The following ATG9B variants were observed in gnomAD, a reference collection of about 807,000 sequenced individuals.
ATG9B encodes the protein autophagy related 9B.
Under a neutral mutation model 92.9 loss-of-function variants are expected in ATG9B, and 92 were observed. That is an observed-to-expected ratio of 0.99 (90% CI 0.84 to 1.18). The LOEUF (loss-of-function observed/expected upper bound fraction) is 1.18, where lower values mean the gene tolerates loss of function less well. Among genes scored for constraint, ATG9B ranks in the 50% most tolerant of loss-of-function variants. The pLI, the probability that ATG9B is intolerant of heterozygous loss-of-function variation, is 0.00. For synonymous variants in ATG9B, 599 were observed against 551.4 expected, an observed-to-expected ratio of 1.09 and a Z score of -1.21; for missense variants, 1,344 against 1,235.0, an observed-to-expected ratio of 1.09 and a Z score of -1.32.
chr7:151,020,424 T>G (rs1563259145), intron 5 of ATG9B: 1 of 152,598 alleles, frequency 6.6e-6, no homozygotes, highest in East Asian at 1.9e-4. Flanking sequence ...CCAGAGCCAA[T>G]CCGAGGTCCA....
Position 151,018,556 on chromosome 7 carries a change from C to A in ATG9B, c.1718+64G>T, listed in dbSNP as rs1375308285. 9 of 1,540,984 alleles carry A rather than the reference C, an allele frequency of 5.8e-6. No homozygotes were observed. The highest frequency in any genetic ancestry group is 1.2e-5 in the South Asian group (1 of 83,802). On this transcript the variant is annotated intron_variant, in intron 6 of 13. Transcript: ENST00000639579. This position sits in a 1 kb window ranked among gnomAD's most constrained non-coding sequence, Gnocchi z 4.7. ...GGGAGAGGTAAGGATTCGGGGGGAA[C>A]CTCACATGGCCCCAGATCAGAGAAA...
chr7:151,017,868 G>C lies in ATG9B; in HGVS notation c.2052+3C>G. 6.2e-7 allele frequency: 1 copy of C among 1,604,020 alleles called. No homozygotes were observed. The highest frequency in any genetic ancestry group is 1.1e-5 in the South Asian group (1 of 89,194). On this transcript the variant is annotated splice_donor_region_variant and intron_variant, in intron 8 of 13. Coordinates refer to ENST00000639579, the MANE Select transcript of ATG9B (RefSeq NM_001317056.2). ...ACCCCCAGGGCCAGGGAACGGCTCTGACCTGAGGGTGTCCGTGGCGCTTCA... is the reference window on the plus strand; with the variant it reads ...ACCCCCAGGGCCAGGGAACGGCTCTCACCTGAGGGTGTCCGTGGCGCTTCA...
In ATG9B at chr7:151,017,153, G is replaced by C; in HGVS notation, c.2172C>G (p.Ser724Arg). The change falls in exon 9 of 14, where the codon AGC becomes AGG. Residue 724 changes from serine to arginine, a missense_variant. Coordinates refer to ENST00000639579, the MANE Select transcript of ATG9B (RefSeq NM_001317056.2). ...AHPLWRPPGH[S>R]SKFLGHLWGR... is the part of the protein sequence containing the mutation. ...CCCAGAGGTGCCCAAGAAACTTAGA[G>C]CTGTGCCCTGGGGGGCGCCAGAGTG... 6.2e-7 allele frequency: 1 copy of C among 1,613,162 alleles called. No individual in the cohort carries two copies. Among genetic ancestry groups the C allele is most frequent in the East Asian group, 2.2e-5 (1 of 44,878 alleles).
At position 151,018,351 on chromosome 7, in the gene ATG9B, G is replaced by A; in HGVS notation, c.1815C>T (p.Gly605=). 1.3e-6 allele frequency: 2 copies of A among 1,598,626 alleles called. No homozygotes were observed. Among genetic ancestry groups the A allele is most frequent in the Non-Finnish European group, 8.5e-7 (1 of 1,174,426 alleles). The change falls in exon 7 of 14, where the codon GGC becomes GGT. Residue 605 remains glycine, a synonymous_variant. Transcript: ENST00000639579. The surrounding 1 kb of genome is among the most constrained non-coding windows in gnomAD (Gnocchi z 4.7). The part of the protein sequence containing the change: ...AHMHYLPEEP[G]PGGRDRAYRQ... ...GGTAGGCGCGGTCCCTGCCGCCGGG[G>A]CCGGGCTCCTCCGGGAGGTAGTGCA...
At chr7:151,014,311 C>A, downstream of ATG9B, 3 of 926,430 alleles carry the variant, frequency 3.2e-6, no homozygotes, top group Non-Finnish European at 4.7e-6. Flanking sequence ...CAGCATTATT[C>A]CTCCAGGAAG....
intron 10 of ATG9B, 29 bp from the exon 11 acceptor site, chr7:151,016,556 G>T: frequency 6.5e-7 from 1 of 1,545,730 alleles, no homozygotes. Flanking sequence ...CAGGTCAAAA[G>T]TCATGCCCTC....
downstream of ATG9B, chr7:151,014,613 G>GTT (rs1016402988): frequency 1.6e-4 from 21 of 134,424 alleles, no homozygotes; most frequent in African/African-American, 4.2e-4. Flanking sequence ...TTTTTTTTTT[G>GTT]TTTTTTTTTT....
chr7:151,016,301 G>T, intron 11 of ATG9B, 66 bp from the exon 12 acceptor site: 1 of 1,477,046 alleles, frequency 6.8e-7, no homozygotes, highest in Non-Finnish European at 9.0e-7. Context: ...ACCTGGGCTA[G>T]AGGCAGAGGG....
chr7:151,017,831 C>T, intron 8 of ATG9B, 40 bp downstream of exon 8: 1 of 1,531,012 alleles, frequency 6.5e-7, no homozygotes, highest in South Asian at 1.2e-5. Flanking sequence ...AGCGAACTCC[C>T]ACCCAGCCCA....
chr7:151,021,043 TG>T, intron 5 of ATG9B, 144 bp downstream of exon 5: 1 of 937,996 alleles, frequency 1.1e-6, no homozygotes. Context: ...GACATTATTC[TG>T]GGCCTAGGGC....
In ATG9B at chr7:151,024,020, TG is replaced by T; in HGVS notation, c.403del (p.Gln135ArgfsTer8). 2 of 1,588,332 alleles carry T rather than the reference TG, an allele frequency of 1.3e-6. No individual in the cohort carries two copies. The highest frequency in any genetic ancestry group is 1.7e-6 in the Non-Finnish European group (2 of 1,168,072). On this transcript the variant is annotated frameshift_variant, in exon 1 of 14. Coordinates refer to ENST00000639579, the MANE Select transcript of ATG9B (RefSeq NM_001317056.2). LOFTEE classifies it high-confidence loss of function. ...ATPTPSQQCP[Q>X]DSPGLRVGPL... is the part of the protein sequence containing the mutation. ...GCCTACCCGCAGCCCAGGAGAGTCC[TG>T]GGGGCACTGCTGTGAGGGAGTGGGG...
At chr7:151,015,749 G>A in intron 13 of ATG9B, 36 bp from the exon 14 acceptor site, 1 of 1,270,300 alleles carries the variant, frequency 7.9e-7, no homozygotes, top group Non-Finnish European at 1.1e-6. Flanking sequence ...AGCAGTCCAG[G>A]GGTCTAGATT....
At chr7:151,012,231 T>TG (rs1463307169), downstream of ATG9B, 7 of 915,462 alleles carry the variant, frequency 7.6e-6, no homozygotes, top group African/African-American at 1.2e-4. Flanking sequence ...TTTTGTTTTT[T>TG]TTTTAATTTT....
chr7:151,014,335 C>G (rs560089145), downstream of ATG9B: 21 of 765,312 alleles, frequency 2.7e-5, no homozygotes, highest in South Asian at 3.8e-4. Context: ...CAAAACGCCT[C>G]TTTTCCCTCT....
In ATG9B at chr7:151,016,101, C is replaced by G. The variant is rs1378473555; in HGVS notation, c.2647+8G>C. On this transcript the variant is annotated splice_region_variant and intron_variant, in intron 12 of 13. Coordinates refer to ENST00000639579, the MANE Select transcript of ATG9B (RefSeq NM_001317056.2). ...GGCTCTGTCCCCTGCAGGCCCCACC[C>G]TCCTCACCGTCACTTGACCAGGATG... 1 of 1,537,324 alleles carries G rather than the reference C, an allele frequency of 6.5e-7. No homozygotes were observed. Among genetic ancestry groups the G allele is most frequent in the Non-Finnish European group, 8.8e-7 (1 of 1,138,912 alleles).
downstream of ATG9B, chr7:151,014,013 GCA>G: frequency 6.2e-7 from 1 of 1,612,624 alleles, no homozygotes. Flanking sequence ...GACAGGATCA[GCA>G]ACGCTACCAC....
Position 151,016,701 on chromosome 7 carries a change from C to T in ATG9B, c.2410G>A (p.Ala804Thr). 1 of 1,598,102 alleles carries T rather than the reference C, an allele frequency of 6.3e-7. No individual in the cohort carries two copies. The highest frequency in any genetic ancestry group is 1.1e-5 in the South Asian group (1 of 89,118). Residue 804 changes from alanine to threonine, a missense_variant, in exon 10 of 14, where the codon GCC (alanine) becomes ACC (threonine). Transcript: ENST00000639579. ...TCCACTCCTCACCTGGGGTCCTGGG[C>T]AATTCGGGAAATGGAGGCAAGGAGG... ...ASLLASISRIAQDPSSVSPGG... is the reference protein window; with the variant it reads ...ASLLASISRITQDPSSVSPGG...
At chr7:151,021,121 C>T in intron 5 of ATG9B, 67 bp downstream of exon 5, 2 of 1,582,878 alleles carry the variant, frequency 1.3e-6, no homozygotes, top group Admixed American at 1.7e-5. Flanking sequence ...TACAGTCCCA[C>T]TTCTTCCCCT....
intron 4 of ATG9B, 94 bp from the exon 5 acceptor site, chr7:151,021,423 AGGGG>A (rs1349290912): frequency 1.6e-5 from 23 of 1,452,558 alleles, no homozygotes; most frequent in African/African-American, 5.7e-5. Context: ...CATCATGAGG[AGGGG>A]GATCTAGCTA....
Sources: gnomAD v4.1 joint callset for allele counts on GRCh38, gnomAD v4.1.1 for gene constraint, Gnocchi (gnomAD v3.1) non-coding constraint, MANE v1.5 for transcripts, NCBI Gene and HGNC (gene_info 2026-07-23, HGNC 2026-07-21) for gene names.